The following EIF2AK3 variants were observed in gnomAD, a reference collection of about 807,000 sequenced individuals.
EIF2AK3 encodes eukaryotic translation initiation factor 2 alpha kinase 3.
A neutral mutation model predicts 113.5 loss-of-function variants in EIF2AK3; 50 were observed. The observed-to-expected ratio is 0.44, with a 90% CI of 0.35 to 0.56. EIF2AK3 has a LOEUF of 0.56. Among genes scored for constraint, EIF2AK3 ranks in the 20% least tolerant of loss-of-function variants. The pLI is 0.00. For synonymous variants in EIF2AK3, 448 were observed against 495.4 expected (o/e 0.90, Z 1.27); for missense variants, 1,185 against 1,378.0 (o/e 0.86, Z 2.22).
In EIF2AK3 at chr2:88,627,422, C is replaced by T; in HGVS notation, c.-148G>A. ...ACAGCCAGCCGTGTTCCCCTGGCCA[C>T]GTCTCAGCCCGGCCTCTGCCGCTGC... On this transcript the variant is annotated 5_prime_UTR_variant, in exon 1 of 17. In the 5' UTR this introduces an upstream ATG that the reference lacks. Coordinates refer to ENST00000303236, the MANE Select transcript of EIF2AK3 (RefSeq NM_004836.7). 2 of 1,005,560 alleles carry T rather than the reference C, an allele frequency of 2.0e-6. No homozygotes were observed. Among genetic ancestry groups the T allele is most frequent in the Non-Finnish European group, 2.6e-6 (2 of 766,566 alleles). 62.3% of individuals were successfully genotyped at this position (1,005,560 alleles called of 1,614,324 possible). A position where few individuals can be genotyped will look rare whatever the true frequency, so the allele number is the denominator to read the frequency against.
At position 88,590,806 on chromosome 2, in the gene EIF2AK3, G is replaced by T; in HGVS notation, c.1002+12C>A. 6.2e-7 allele frequency: 1 copy of T among 1,612,834 alleles called. No individual in the cohort carries two copies. Among genetic ancestry groups the T allele is most frequent in the Non-Finnish European group, 8.5e-7 (1 of 1,178,876 alleles). Reference sequence around the variant, plus strand: ...AAGAACCGTATTTTAAATCCTCAGTGGTGTTAGGTACCTGGTACTCCCATT... The same window carrying T: ...AAGAACCGTATTTTAAATCCTCAGTTGTGTTAGGTACCTGGTACTCCCATT... On this transcript the variant is annotated intron_variant, in intron 5 of 16. Coordinates refer to ENST00000303236, the MANE Select transcript of EIF2AK3 (RefSeq NM_004836.7).
At chr2:88,615,462 C>T (rs1032009176) in intron 1 of EIF2AK3, among the ~76,000 whole-genome samples, 2 of 152,200 alleles carry the variant, frequency 1.3e-5, no homozygotes, top group Non-Finnish European at 2.9e-5. Context: ...GGGGTCCTCA[C>T]TTATGATATT....
intron 3 of EIF2AK3, chr2:88,593,871 GA>G: frequency 2.0e-6 from 2 of 999,200 alleles, no homozygotes; most frequent in Non-Finnish European, 2.4e-6. Flanking sequence ...AAAAAAGGAA[GA>G]GTTAATATGA....
intron 13 of EIF2AK3, among the ~76,000 whole-genome samples, chr2:88,572,012 A>T (rs560987930): frequency 1.5e-3 from 232 of 152,316 alleles, no homozygotes; most frequent in African/African-American, 5.2e-3. Flanking sequence ...AATGAGGAAA[A>T]AGGAAGCCAT....
chr2:88,597,152 G>A (rs1013232570), intron 2 of EIF2AK3, among the ~76,000 whole-genome samples: 2 of 152,144 alleles, frequency 1.3e-5, no homozygotes, highest in African/African-American at 4.8e-5. Context: ...TTCTCATTTG[G>A]TGTTCAACTC....
intron 1 of EIF2AK3, among the ~76,000 whole-genome samples, chr2:88,617,538 G>A (rs1321801089): frequency 2.0e-5 from 3 of 151,672 alleles, no homozygotes; most frequent in Non-Finnish European, 2.9e-5. Flanking sequence ...GGTGGCTCAC[G>A]AGGTCAGGAG....
intron 2 of EIF2AK3, among the ~76,000 whole-genome samples, chr2:88,600,344 C>A (rs529373468): frequency 6.6e-6 from 1 of 152,136 alleles, no homozygotes; most frequent in East Asian, 1.9e-4. Context: ...ATGAGTCACC[C>A]GATAGTCAGC....
intron 1 of EIF2AK3, among the ~76,000 whole-genome samples, chr2:88,621,642 G>C (rs936442504): frequency 2.0e-5 from 3 of 152,020 alleles, no homozygotes; most frequent in Non-Finnish European, 2.9e-5. Flanking sequence ...TATACTTCCT[G>C]GTCCTCACCT....
At chr2:88,569,116 C>G (rs1440140159) in intron 14 of EIF2AK3, among the ~76,000 whole-genome samples, 4 of 152,154 alleles carry the variant, frequency 2.6e-5, no homozygotes, top group Admixed American at 2.6e-4. Context: ...GTCTCGAACT[C>G]CTGGCCTCAG....
At chr2:88,606,698 T>A (rs2104459612) in intron 2 of EIF2AK3, among the ~76,000 whole-genome samples, 1 of 152,302 alleles carries the variant, frequency 6.6e-6, no homozygotes. Context: ...ACTAATAGAC[T>A]CTTTCTAAAC....
chr2:88,620,458 G>C (rs1176855761), intron 1 of EIF2AK3, among the ~76,000 whole-genome samples: 1 of 152,182 alleles, frequency 6.6e-6, no homozygotes, highest in East Asian at 1.9e-4. Flanking sequence ...TGAAAGAACT[G>C]TAATTACTAT....
Position 88,590,525 on chromosome 2 carries a change from A to G in EIF2AK3, c.1083T>C (p.Tyr361=), listed in dbSNP as rs1674857752. Residue 361 remains tyrosine (Y), a synonymous_variant, in exon 6 of 17, where the codon TAT becomes TAC. Coordinates refer to ENST00000303236, the MANE Select transcript of EIF2AK3 (RefSeq NM_004836.7). ...IPISLFDDTS[Y]TSNDDVLEDE... ...CTTCTAAAACATCATCATTAGATGT[A>G]TAACTTGTATCATCAAAAAGACTGA... 1.9e-6 allele frequency: 3 copies of G among 1,613,722 alleles called. No homozygotes were observed. Among genetic ancestry groups the G allele is most frequent in the African/African-American group, 1.3e-5 (1 of 75,054 alleles).
At position 88,557,452 on chromosome 2, in the gene EIF2AK3, A is replaced by G. The variant is rs1339478432; in HGVS notation, c.*284T>C. The G allele has an allele frequency of 4.3e-6, 2 of 466,166 alleles. No individual in the cohort carries two copies. Among genetic ancestry groups the G allele is most frequent in the East Asian group, 4.3e-5 (1 of 23,298 alleles). 28.9% of individuals were successfully genotyped at this position (466,166 alleles called of 1,614,324 possible). On this transcript the variant is annotated 3_prime_UTR_variant, in exon 17 of 17. Coordinates refer to ENST00000303236, the MANE Select transcript of EIF2AK3 (RefSeq NM_004836.7). ...TATATATATATTAGGGATTGCTGCT[A>G]CCTCCTTAGGCAAATGGTGAGGGCT...
At chr2:88,622,784 T>C (rs920225158) in intron 1 of EIF2AK3, among the ~76,000 whole-genome samples, 1 of 152,150 alleles carries the variant, frequency 6.6e-6, no homozygotes, top group Non-Finnish European at 1.5e-5. Flanking sequence ...AGGGTCCTAG[T>C]AGTTAAAAAA....
intron 13 of EIF2AK3, 22 bp from the exon 14 acceptor site, chr2:88,571,063 A>G: frequency 3.7e-6 from 6 of 1,614,012 alleles, no homozygotes; most frequent in Non-Finnish European, 5.1e-6. Flanking sequence ...ACAACAGACA[A>G]AAGTACAGTG....
At chr2:88,605,057 A>G (rs182075918) in intron 2 of EIF2AK3, among the ~76,000 whole-genome samples, 124 of 152,314 alleles carry the variant, frequency 8.1e-4, no homozygotes, top group African/African-American at 2.9e-3. Context: ...GGGCTATGTA[A>G]ATGACTAAGA....
chr2:88,577,192 A>T (rs1016516907), intron 11 of EIF2AK3, among the ~76,000 whole-genome samples: 1 of 152,164 alleles, frequency 6.6e-6, no homozygotes, highest in Non-Finnish European at 1.5e-5. Flanking sequence ...CATGTTGGTC[A>T]GGCTAGTCTC....
chr2:88,563,772 C>T (rs1674026742), intron 14 of EIF2AK3, among the ~76,000 whole-genome samples: 1 of 152,002 alleles, frequency 6.6e-6, no homozygotes, highest in Non-Finnish European at 1.5e-5. Flanking sequence ...ATGGGAAATA[C>T]TTATATTTTA....
In EIF2AK3 at chr2:88,557,127, A is replaced by G. The variant is rs1376734860; in HGVS notation, c.*609T>C. On this transcript the variant is annotated 3_prime_UTR_variant, in exon 17 of 17. Coordinates refer to ENST00000303236, the MANE Select transcript of EIF2AK3 (RefSeq NM_004836.7). The stretch of plus-strand genomic sequence containing the variant: ...TTCATTTTCCCTTTATTGGAGGTAA[A>G]AGTACAAAAAGCTGTAAACCCACCC... 2.0e-5 allele frequency: 3 copies of G among 152,698 alleles called. No individual in the cohort carries two copies. Among genetic ancestry groups the G allele is most frequent in the Non-Finnish European group, 1.5e-5 (1 of 68,080 alleles). 9.5% of individuals were successfully genotyped at this position (152,698 alleles called of 1,614,324 possible). A position where few individuals can be genotyped will look rare whatever the true frequency, so the allele number is the denominator to read the frequency against.
Sources: allele counts gnomAD v4.1 joint callset (sites outside exome capture counted in the v4.1 genomes callset), GRCh38; gene constraint gnomAD v4.1.1; transcripts MANE v1.5; gene names NCBI Gene and HGNC (gene_info 2026-07-23, HGNC 2026-07-21).